Variants in EYA2 observed in about 807,000 individuals in gnomAD.
EYA2 encodes the protein protein phosphatase EYA2.
Under a neutral mutation model 69.2 loss-of-function variants are expected in EYA2, and 31 were observed. That is an observed-to-expected ratio of 0.45 (90% CI 0.34 to 0.60). The LOEUF (loss-of-function observed/expected upper bound fraction) is 0.60, where lower values mean the gene tolerates loss of function less well. Among genes scored for constraint, EYA2 ranks in the 20% least tolerant of loss-of-function variants. EYA2 has a pLI of 0.02. For missense variants in EYA2, 622 were observed against 701.2 expected (o/e 0.89, Z 1.28); for synonymous variants, 257 against 279.4 (o/e 0.92, Z 0.80).
At chr20:47,067,403 C>T (rs2031153016) in intron 5 of EYA2, among the ~76,000 whole-genome samples, 1 of 151,766 alleles carries the variant, frequency 6.6e-6, no homozygotes. Context: ...TGACTATAGT[C>T]AACAAAAATT....
chr20:47,084,061 C>G (rs1445675757), intron 7 of EYA2, among the ~76,000 whole-genome samples: 5 of 152,038 alleles, frequency 3.3e-5, no homozygotes, highest in Non-Finnish European at 2.9e-5. Flanking sequence ...GCCTGGCTAA[C>G]ATGGTGAAAC....
At chr20:47,143,851 C>T (rs1036191505) in intron 10 of EYA2, among the ~76,000 whole-genome samples, 1 of 152,134 alleles carries the variant, frequency 6.6e-6, no homozygotes, top group Non-Finnish European at 1.5e-5. Flanking sequence ...AAAAAAAATC[C>T]AGGCTCAGGC....
At chr20:46,986,387 C>T (rs888297479) in intron 1 of EYA2, among the ~76,000 whole-genome samples, 64 of 36,392 alleles carry the variant, frequency 1.8e-3, no homozygotes, top group African/African-American at 3.6e-3. Flanking sequence ...TATTATATAT[C>T]GATATATAAT....
chr20:47,060,083 C>A (rs1022053310), intron 5 of EYA2, among the ~76,000 whole-genome samples: 1 of 152,164 alleles, frequency 6.6e-6, no homozygotes, highest in Non-Finnish European at 1.5e-5. Flanking sequence ...ATCCAGAAGC[C>A]CTGGCTACAT....
At position 47,018,264 on chromosome 20, in the gene EYA2, C is replaced by G. The variant is rs6124918; in HGVS notation, c.415+1967C>G. Among the ~76,000 whole-genome samples the G allele has an allele frequency of 0.012, 1,759 of 152,276 alleles. 93 individuals are homozygous for G. The East Asian group carries it at 0.12, about 10-fold the overall frequency. On this transcript the variant is annotated intron_variant, in intron 5 of 15. Coordinates refer to ENST00000327619, the MANE Select transcript of EYA2 (RefSeq NM_005244.5). ...CCATTTTGACACCCCCTCAGCCACA[C>G]AATAAGTGATCTAAGTTATGTAGGA...
At chr20:46,961,132 C>T (rs147921806) in intron 1 of EYA2, among the ~76,000 whole-genome samples, 130 of 152,270 alleles carry the variant, frequency 8.5e-4, no homozygotes, top group African/African-American at 3.1e-3. Context: ...GTTAGGAATT[C>T]GAGACCAGCC....
Position 47,097,216 on chromosome 20 carries a change from A to G in EYA2, c.888+48A>G, listed in dbSNP as rs574595293. ...TCTCTCTTTTTTTGTTTTCAACGTT[A>G]TTGTCCAGCCAGTTTGTCCTGGAAA... On this transcript the variant is annotated intron_variant, in intron 9 of 15. Coordinates refer to ENST00000327619, the MANE Select transcript of EYA2 (RefSeq NM_005244.5). 6 of 1,427,976 alleles carry G rather than the reference A, an allele frequency of 4.2e-6. No homozygotes were observed. In the African/African-American group the frequency reaches 7.1e-5, roughly 17 times the overall value. 88.5% of individuals were successfully genotyped at this position (1,427,976 alleles called of 1,614,324 possible). A position where few individuals can be genotyped will look rare whatever the true frequency, so the allele number is the denominator to read the frequency against.
intron 1 of EYA2, among the ~76,000 whole-genome samples, chr20:46,935,410 G>A (rs761071973): frequency 2.6e-5 from 4 of 152,202 alleles, no homozygotes; most frequent in Admixed American, 6.5e-5. Context: ...TTGTCATGAC[G>A]ATTAAATGGG....
In EYA2 at chr20:46,964,324, G is replaced by A. The variant is rs536342255; in HGVS notation, c.-10-25677G>A. On this transcript the variant is annotated intron_variant, in intron 1 of 15. Coordinates refer to ENST00000327619, the MANE Select transcript of EYA2 (RefSeq NM_005244.5). ...TGTTTAAAAATCTCACTCCAGGAGT[G>A]TGGAGAACAGATTTGGAGGAGGTGG... is the stretch of plus-strand genomic sequence containing the variant. Among the ~76,000 whole-genome samples the A allele has an allele frequency of 5.7e-4, 87 of 152,340 alleles. No individual in the cohort carries two copies. The Middle Eastern group carries it at 0.017, about 30-fold the overall frequency.
intron 9 of EYA2, among the ~76,000 whole-genome samples, chr20:47,107,528 A>G (rs1291122635): frequency 6.9e-6 from 1 of 143,936 alleles, no homozygotes; most frequent in South Asian, 2.2e-4. Flanking sequence ...TCTGTATCAA[A>G]AAAAAAAAAA....
chr20:47,018,046 C>G (rs902036533), intron 5 of EYA2, among the ~76,000 whole-genome samples: 17 of 152,166 alleles, frequency 1.1e-4, no homozygotes, highest in African/African-American at 3.6e-4. Flanking sequence ...CTCCTGAGAC[C>G]CATCTCTCCA....
intron 1 of EYA2, among the ~76,000 whole-genome samples, chr20:46,979,103 C>T (rs1352118713): frequency 6.6e-6 from 1 of 152,208 alleles, no homozygotes; most frequent in Non-Finnish European, 1.5e-5. Context: ...GACTGGCCAT[C>T]TGTCCTCTGC....
chr20:47,076,394 G>A (rs953536972), intron 7 of EYA2, among the ~76,000 whole-genome samples: 2 of 152,078 alleles, frequency 1.3e-5, no homozygotes, highest in African/African-American at 2.4e-5. Context: ...TTTAATAATG[G>A]CCATTCTGAT....
In EYA2 at chr20:46,963,025, A is replaced by C. The variant is rs183510860; in HGVS notation, c.-10-26976A>C. ...CACTGCTCCCTCGCTCTACCCCTCCACCCCGTGGGATGACGGCAAGTGGCG... is the reference window on the plus strand; with the variant it reads ...CACTGCTCCCTCGCTCTACCCCTCCCCCCCGTGGGATGACGGCAAGTGGCG... On this transcript the variant is annotated intron_variant, in intron 1 of 15. Transcript: ENST00000327619. 9.2e-5 allele frequency among the ~76,000 whole-genome samples: 14 copies of C among 152,016 alleles called. No individual in the cohort carries two copies. The East Asian group carries it at 2.3e-3, about 25-fold the overall frequency.
chr20:46,974,761 A>G (rs1368435232), intron 1 of EYA2, among the ~76,000 whole-genome samples: 1 of 151,082 alleles, frequency 6.6e-6, no homozygotes, highest in Non-Finnish European at 1.5e-5. Context: ...TTTTCTTTTT[A>G]ATGGCTCTGC....
At chr20:47,040,603 TAAC>T (rs746618522) in intron 5 of EYA2, among the ~76,000 whole-genome samples, 4 of 152,128 alleles carry the variant, frequency 2.6e-5, no homozygotes, top group Non-Finnish European at 5.9e-5. Context: ...ACAAGGAAAA[TAAC>T]AACCATACAG....
intron 12 of EYA2, among the ~76,000 whole-genome samples, chr20:47,177,756 A>G (rs905555614): frequency 3.3e-5 from 5 of 152,222 alleles, no homozygotes; most frequent in African/African-American, 1.2e-4. Flanking sequence ...TCTTCCTTCA[A>G]CAAATACTGA....
intron 10 of EYA2, among the ~76,000 whole-genome samples, chr20:47,152,820 AAAAG>A (rs1430435273): frequency 1.1e-4 from 16 of 150,360 alleles, no homozygotes; most frequent in Admixed American, 2.6e-4. Context: ...CAAAAAAAAA[AAAAG>A]AAAGAAAAGA....
intron 11 of EYA2, 83 bp downstream of exon 11, chr20:47,169,280 G>A: frequency 1.5e-6 from 2 of 1,356,382 alleles, no homozygotes; most frequent in Non-Finnish European, 1.1e-6. Context: ...TGGGGTGGGA[G>A]AGGAGGGCTG....
Sources: gnomAD v4.1 joint callset for allele counts (sites outside exome capture counted in the v4.1 genomes callset) on GRCh38, gnomAD v4.1.1 for gene constraint, MANE v1.5 for transcripts, NCBI Gene and HGNC (gene_info 2026-07-23, HGNC 2026-07-21) for gene names.